IRF2BP2: variants seen among roughly 807,000 people sequenced by gnomAD.
The protein encoded by IRF2BP2 is interferon regulatory factor 2-binding protein 2.
A neutral mutation model predicts 32.7 loss-of-function variants in IRF2BP2; 13 were observed. The observed-to-expected ratio is 0.40, with a 90% confidence interval of 0.26 to 0.63. The LOEUF (loss-of-function observed/expected upper bound fraction) is 0.63. Among genes scored for constraint, IRF2BP2 ranks in the 30% least tolerant of loss-of-function variants. The pLI, the probability that IRF2BP2 is intolerant of heterozygous loss-of-function variation, is 0.42. For missense variants in IRF2BP2, 980 were observed against 830.6 expected (o/e 1.18, Z -2.21); for synonymous variants, 555 against 384.6 (o/e 1.44, Z -5.18).
Position 234,607,680 on chromosome 1 carries a change from A to G in IRF2BP2, c.1221T>C (p.Pro407=). ...CAGGCGGTGTGGTCCGGTTGGAATG[A>G]GGTGAGGCAGTGGGTGGTGGCGGAG... ...FVSPPPPTAS[P]HSNRTTPPEA... Residue 407 remains proline (P), a synonymous_variant, in exon 2 of 2, where the codon CCT becomes CCC. Transcript: ENST00000366609. The G allele has an allele frequency of 6.2e-7, 1 of 1,614,126 alleles. No homozygotes were observed. The highest frequency in any genetic ancestry group is 1.1e-5 in the South Asian group (1 of 91,082).
Position 234,608,911 on chromosome 1 carries a change from G to T in IRF2BP2, c.584C>A (p.Ser195Ter). 1 of 1,362,980 alleles carries T rather than the reference G, an allele frequency of 7.3e-7. No individual in the cohort carries two copies. 84.4% of individuals were successfully genotyped at this position (1,362,980 alleles called of 1,614,324 possible). A position where few individuals can be genotyped will look rare whatever the true frequency, so the allele number is the denominator to read the frequency against. Residue 195 changes from serine (S) to a stop codon, truncating the protein, a stop_gained, in exon 1 of 2, where the codon TCG becomes TAG. Coordinates refer to ENST00000366609, the MANE Select transcript of IRF2BP2 (RefSeq NM_182972.3). LOFTEE classifies it high-confidence loss of function. Reference protein sequence around the residue: ...PPTLVPLMNGSATPLPTALGL... With the variant: ...PPTLVPLMNG ...GAGCGCGGTGGGCAGCGGCGTGGCCGAGCCGTTCATGAGCGGCACCAGGGT... is the reference window on the plus strand; with the variant it reads ...GAGCGCGGTGGGCAGCGGCGTGGCCTAGCCGTTCATGAGCGGCACCAGGGT...
At position 234,607,702 on chromosome 1, in the gene IRF2BP2, G is replaced by A. The variant is rs370061689; in HGVS notation, c.1199C>T (p.Pro400Leu). 8 of 1,614,182 alleles carry A rather than the reference G, an allele frequency of 5.0e-6. No individual in the cohort carries two copies. Among genetic ancestry groups the A allele is most frequent in the South Asian group, 4.4e-5 (4 of 91,084 alleles). The change falls in exon 2 of 2, where the codon CCG (proline) becomes CTG (leucine). Residue 400 changes from proline (P) to leucine (L), a missense_variant. Coordinates refer to ENST00000366609, the MANE Select transcript of IRF2BP2 (RefSeq NM_182972.3). The stretch of plus-strand genomic sequence containing the variant: ...ATGAGGTGAGGCAGTGGGTGGTGGC[G>A]GAGACACAAAAGAGGATGTAGGAGT... ...PMTPTSSFVS[P>L]PPPTASPHSN...
rs1672278242 is a variant in IRF2BP2 at position 234,609,426 on chromosome 1, G to C, written c.69C>G (p.Arg23=). The C allele has an allele frequency of 1.3e-6, 2 of 1,561,376 alleles. No homozygotes were observed. The highest frequency in any genetic ancestry group is 2.3e-5 in the South Asian group (2 of 85,872). The change falls in exon 1 of 2, where the codon CGC becomes CGG. Residue 23 remains arginine, a synonymous_variant. Coordinates refer to ENST00000366609, the MANE Select transcript of IRF2BP2 (RefSeq NM_182972.3). ...RQSCYLCDLP[R]MPWAMIWDFT... is the part of the protein sequence containing the mutation. ...AGTCCCAGATCATGGCCCAGGGCATGCGGGGCAGGTCACACAGGTAGCACG... is the reference window on the plus strand; with the variant it reads ...AGTCCCAGATCATGGCCCAGGGCATCCGGGGCAGGTCACACAGGTAGCACG...
Position 234,604,546 on chromosome 1 carries a change from C to T in IRF2BP2, c.*2591G>A, listed in dbSNP as rs1417744862. On this transcript the variant is annotated 3_prime_UTR_variant, in exon 2 of 2. Transcript: ENST00000366609. ...AAGGTATATAGTAAAAGTTGTAAAC[C>T]ATGTGTATGTTCTCATAACTTTAAA... 1 of 152,084 alleles carries T rather than the reference C, an allele frequency of 6.6e-6. No homozygotes were observed. The highest frequency in any genetic ancestry group is 2.4e-5 in the African/African-American group (1 of 41,394). The allele number at this position is 152,084 out of a possible 1,614,324, so 9.4% of individuals were successfully genotyped here. A position where few individuals can be genotyped will look rare whatever the true frequency, so the allele number is the denominator to read the frequency against.
chr1:234,605,824 CAAAAG>C lies in IRF2BP2; in HGVS notation c.*1308_*1312del, dbSNP rs1265232964. 1 of 152,136 alleles carries C rather than the reference CAAAAG, an allele frequency of 6.6e-6. No homozygotes were observed. The highest frequency in any genetic ancestry group is 2.4e-5 in the African/African-American group (1 of 41,424). The allele number at this position is 152,136 out of a possible 1,614,324, so 9.4% of individuals were successfully genotyped here. On this transcript the variant is annotated 3_prime_UTR_variant, in exon 2 of 2. Transcript: ENST00000366609. Reference sequence around the variant, plus strand: ...CATTTTACTGATGCAAAATAGTGATCAAAAGAAATTAGTTTACAAAAAGACTTCTA... The same window carrying C: ...CATTTTACTGATGCAAAATAGTGATCAAATTAGTTTACAAAAAGACTTCTA...
Position 234,608,541 on chromosome 1 carries a change from C to T in IRF2BP2, c.954G>A (p.Ser318=), listed in dbSNP as rs760802611. The T allele has an allele frequency of 4.0e-5, 65 of 1,610,348 alleles. 1 individual carries two copies. In the Admixed American group the frequency reaches 1.0e-3, roughly 26 times the overall value. Residue 318 remains serine (S), a synonymous_variant, in exon 1 of 2, where the codon TCG becomes TCA. Transcript: ENST00000366609. ...TLLALHQHGH[S]GPFESKFKKE... is the part of the protein sequence containing the mutation. ...TCTTAAACTTGCTCTCGAAGGGCCCCGAGTGGCCGTGCTGGTGCAGCGCCA... is the reference window on the plus strand; with the variant it reads ...TCTTAAACTTGCTCTCGAAGGGCCCTGAGTGGCCGTGCTGGTGCAGCGCCA...
At position 234,609,908 on chromosome 1, in the gene IRF2BP2, C is replaced by CGGGGCGG. The variant is rs1035060974; in HGVS notation, c.-421_-415dup. On this transcript the variant is annotated 5_prime_UTR_variant, in exon 1 of 2. Transcript: ENST00000366609. ...TCGCGGCGGCGGCCGGCACGGAGTG[C>CGGGGCGG]GGGGCGGGGGGCGGGGAGGCCGGGG... is the stretch of plus-strand genomic sequence containing the variant. Among the ~76,000 whole-genome samples the CGGGGCGG allele has an allele frequency of 4.5e-5, 2 of 44,496 alleles. No individual in the cohort carries two copies. The highest frequency in any genetic ancestry group is 2.5e-4 in the Admixed American group (1 of 3,962). 29.2% of individuals were successfully genotyped at this position (44,496 alleles called of 152,430 possible).
rs1448835773 is a variant in IRF2BP2 at position 234,607,812 on chromosome 1, T to G, written c.1089A>C (p.Pro363=). 1.9e-6 allele frequency: 3 copies of G among 1,606,280 alleles called. No individual in the cohort carries two copies. Among genetic ancestry groups the G allele is most frequent in the Admixed American group, 1.7e-5 (1 of 59,210 alleles). The change falls in exon 2 of 2, where the codon CCA becomes CCC. Residue 363 remains proline, a synonymous_variant. Coordinates refer to ENST00000366609, the MANE Select transcript of IRF2BP2 (RefSeq NM_182972.3). ...TCTTAGGGGGCCCGACTTCACCTTCTGGTTCTGGAGAGGGCTTCCTTTTCC... is the reference window on the plus strand; with the variant it reads ...TCTTAGGGGGCCCGACTTCACCTTCGGGTTCTGGAGAGGGCTTCCTTTTCC... The part of the protein sequence containing the change: ...TARKRKPSPE[P]EGEVGPPKIN...
In IRF2BP2 at chr1:234,604,902, C is replaced by T. The variant is rs1672120747; in HGVS notation, c.*2235G>A. 6.6e-6 allele frequency: 1 copy of T among 152,220 alleles called. No individual in the cohort carries two copies. The highest frequency in any genetic ancestry group is 1.5e-5 in the Non-Finnish European group (1 of 68,040). The allele number at this position is 152,220 out of a possible 1,614,324, so 9.4% of individuals were successfully genotyped here. On this transcript the variant is annotated 3_prime_UTR_variant, in exon 2 of 2. Transcript: ENST00000366609. The stretch of plus-strand genomic sequence containing the variant: ...CCACAAAGGCCACCCAAAGGCCAGT[C>T]AGACTCGTGCAGATCTTATTTTTTA...
At position 234,607,392 on chromosome 1, in the gene IRF2BP2, C is replaced by T; in HGVS notation, c.1509G>A (p.Pro503=). Residue 503 remains proline, a synonymous_variant, in exon 2 of 2, where the codon CCG becomes CCA. Coordinates refer to ENST00000366609, the MANE Select transcript of IRF2BP2 (RefSeq NM_182972.3). ...LPDSSLATSA[P]LCCTLCHERL... Reference sequence around the variant, plus strand: ...GCTCGTGGCAGAGGGTGCAGCACAGCGGGGCACTGGTTGCCAGAGAGGAGT... The same window carrying T: ...GCTCGTGGCAGAGGGTGCAGCACAGTGGGGCACTGGTTGCCAGAGAGGAGT... The T allele has an allele frequency of 6.2e-7, 1 of 1,614,132 alleles. No individual in the cohort carries two copies.
At position 234,606,028 on chromosome 1, in the gene IRF2BP2, C is replaced by CA. The variant is rs1393321182; in HGVS notation, c.*1108dup. 6.6e-6 allele frequency: 1 copy of CA among 152,178 alleles called. No individual in the cohort carries two copies. The highest frequency in any genetic ancestry group is 2.4e-5 in the African/African-American group (1 of 41,422). The allele number at this position is 152,178 out of a possible 1,614,324, so 9.4% of individuals were successfully genotyped here. On this transcript the variant is annotated 3_prime_UTR_variant, in exon 2 of 2. Transcript: ENST00000366609. ...ACATTTGGGCTGTCACTGATATGCCCAAGGGCAGTCCTGGCAGCACCACGC... is the reference window on the plus strand; with the variant it reads ...ACATTTGGGCTGTCACTGATATGCCCAAAGGGCAGTCCTGGCAGCACCACGC...
In IRF2BP2 at chr1:234,609,230, T is replaced by C. The variant is rs1001941373; in HGVS notation, c.265A>G (p.Lys89Glu). ...AAAKPPPLSA[K>E]DILLQQQQQL... ...TGCTGCTGCTGCAAAAGGATGTCCT[T>C]GGCGGAGAGCGGCGGCGGCTTGGCG... Residue 89 changes from lysine to glutamate, a missense_variant, in exon 1 of 2, where the codon AAG (lysine) becomes GAG (glutamate). Physicochemically the swap from Lys to Glu is moderately conservative, Grantham distance 56. Transcript: ENST00000366609. 3.0e-6 allele frequency: 4 copies of C among 1,346,068 alleles called. No homozygotes were observed. The highest frequency in any genetic ancestry group is 3.8e-6 in the Non-Finnish European group (4 of 1,053,902). 83.4% of individuals were successfully genotyped at this position (1,346,068 alleles called of 1,614,324 possible). A position where few individuals can be genotyped will look rare whatever the true frequency, so the allele number is the denominator to read the frequency against.
In IRF2BP2 at chr1:234,607,391, G is replaced by C; in HGVS notation, c.1510C>G (p.Leu504Val). The C allele has an allele frequency of 6.2e-7, 1 of 1,614,164 alleles. No individual in the cohort carries two copies. Among genetic ancestry groups the C allele is most frequent in the Non-Finnish European group, 8.5e-7 (1 of 1,179,986 alleles). ...CGCTCGTGGCAGAGGGTGCAGCACA[G>C]CGGGGCACTGGTTGCCAGAGAGGAG... ...PDSSLATSAP[L>V]CCTLCHERLE... Residue 504 changes from leucine (L) to valine (V), a missense_variant, in exon 2 of 2, where the codon CTG becomes GTG. Coordinates refer to ENST00000366609, the MANE Select transcript of IRF2BP2 (RefSeq NM_182972.3).
In IRF2BP2 at chr1:234,608,806, G is replaced by A. The variant is rs1672251085; in HGVS notation, c.689C>T (p.Thr230Ile). Reference protein sequence around the residue: ...AAASLGSAQPTDLGAHKRPAS... With the variant: ...AAASLGSAQPIDLGAHKRPAS... Reference sequence around the variant, plus strand: ...CGGCCGCTTGTGGGCGCCCAGATCGGTGGGCTGCGCGGAGCCCAGGCTGGC... The same window carrying A: ...CGGCCGCTTGTGGGCGCCCAGATCGATGGGCTGCGCGGAGCCCAGGCTGGC... Residue 230 changes from threonine to isoleucine, a missense_variant, in exon 1 of 2, where the codon ACC (threonine) becomes ATC (isoleucine). Transcript: ENST00000366609. 7.1e-7 allele frequency: 1 copy of A among 1,409,242 alleles called. No individual in the cohort carries two copies. The highest frequency in any genetic ancestry group is 9.2e-7 in the Non-Finnish European group (1 of 1,090,568). The allele number at this position is 1,409,242 out of a possible 1,614,324, so 87.3% of individuals were successfully genotyped here. A position where few individuals can be genotyped will look rare whatever the true frequency, so the allele number is the denominator to read the frequency against.
chr1:234,607,555 G>T lies in IRF2BP2; in HGVS notation c.1346C>A (p.Ser449Tyr). 6.2e-7 allele frequency: 1 copy of T among 1,614,232 alleles called. No individual in the cohort carries two copies. The highest frequency in any genetic ancestry group is 8.5e-7 in the Non-Finnish European group (1 of 1,180,036). The change falls in exon 2 of 2, where the codon TCC becomes TAC. Residue 449 changes from serine to tyrosine, a missense_variant. By Grantham distance (144) the Ser-to-Tyr change is moderately radical (BLOSUM62 -2). Transcript: ENST00000366609. ...ACTGTTGCTATTCCTCCTGGTAGTG[G>T]AGTGAACCTGGTTGGCATCTTTTGA... ...HASKDANQVH[S>Y]TTRRNSNSPP...
rs760269019 is a variant in IRF2BP2 at position 234,604,419 on chromosome 1, G to C, written c.*2718C>G. 1.2e-4 allele frequency: 18 copies of C among 152,104 alleles called. No homozygotes were observed. Among genetic ancestry groups the C allele is most frequent in the Non-Finnish European group, 2.4e-4 (16 of 68,022 alleles). The allele number at this position is 152,104 out of a possible 1,614,324, so 9.4% of individuals were successfully genotyped here. On this transcript the variant is annotated 3_prime_UTR_variant, in exon 2 of 2. Coordinates refer to ENST00000366609, the MANE Select transcript of IRF2BP2 (RefSeq NM_182972.3). ...GGTATCTGAGATTACACTCACTTCA[G>C]TTGACATGAGTTTCATCATATATAG...
rs773798653 is a variant in IRF2BP2, at chr1:234,608,634, C to A, written c.861G>T (p.Ala287=). Residue 287 remains alanine (A), a synonymous_variant, in exon 1 of 2, where the codon GCG becomes GCT. Coordinates refer to ENST00000366609, the MANE Select transcript of IRF2BP2 (RefSeq NM_182972.3). ...GCTCTCCAGACCCGCGGCTCTTGCC[C>A]GCACCTTCCGCGCTCAGCTCGGCGG... The part of the protein sequence containing the change: ...AGAAELSAEG[A]GKSRGSGEQD... The A allele has an allele frequency of 6.4e-7, 1 of 1,559,538 alleles. No individual in the cohort carries two copies. Among genetic ancestry groups the A allele is most frequent in the Non-Finnish European group, 8.6e-7 (1 of 1,158,464 alleles).
rs1232986788 is a variant in IRF2BP2 at position 234,607,235 on chromosome 1, G to A, written c.1666C>T (p.Pro556Ser). 6.8e-6 allele frequency: 11 copies of A among 1,614,198 alleles called. No individual in the cohort carries two copies. The highest frequency in any genetic ancestry group is 1.3e-5 in the African/African-American group (1 of 75,046). The change falls in exon 2 of 2, where the codon CCT becomes TCT. Residue 556 changes from proline to serine, a missense_variant. By Grantham distance (74) the Pro-to-Ser change is moderately conservative. Coordinates refer to ENST00000366609, the MANE Select transcript of IRF2BP2 (RefSeq NM_182972.3). ...CAGGGGACATTGGAGCCCACAAGAG[G>A]GCATTTTTCCCCACTGGGACAATAG... is the stretch of plus-strand genomic sequence containing the variant. ...EVYCPSGEKC[P>S]LVGSNVPWAF...
chr1:234,609,930 G>T lies in IRF2BP2; in HGVS notation c.-436C>A, dbSNP rs1222468044. On this transcript the variant is annotated 5_prime_UTR_variant, in exon 1 of 2. Transcript: ENST00000366609. The stretch of plus-strand genomic sequence containing the variant: ...GTGCGGGGCGGGGGGCGGGGAGGCC[G>T]GGGGGGCAGGGGGCGGGGGGCGGCC... 7.2e-6 allele frequency among the ~76,000 whole-genome samples: 1 copy of T among 139,694 alleles called. No individual in the cohort carries two copies. The highest frequency in any genetic ancestry group is 1.6e-5 in the Non-Finnish European group (1 of 63,122). The allele number at this position is 139,694 out of a possible 152,430, so 91.6% of individuals were successfully genotyped here.
Sources: gnomAD v4.1 joint callset for allele counts (sites outside exome capture counted in the v4.1 genomes callset) on GRCh38, gnomAD v4.1.1 for gene constraint, MANE v1.5 for transcripts, NCBI Gene and HGNC (gene_info 2026-07-23, HGNC 2026-07-21) for gene names.